Variants in RYR2 observed in about 807,000 individuals in gnomAD.
The protein encoded by RYR2 is ryanodine receptor 2.
RYR2 carries 227 observed loss-of-function variants against 601.1 expected under a neutral mutation model. The ratio of observed to expected loss-of-function variants is 0.38; its 90% CI spans 0.34 to 0.42. The LOEUF (loss-of-function observed/expected upper bound fraction) is 0.42. Ranked by LOEUF, RYR2 falls within the 10% of genes least tolerant of loss-of-function variation. The pLI is 1.00. For synonymous variants in RYR2, 2,223 were observed against 2,175.1 expected, an observed-to-expected ratio of 1.02 and a Z score of -0.61; for missense variants, 4,646 against 6,156.5, an observed-to-expected ratio of 0.75 and a Z score of 8.21.
At chr1:237,150,370 T>A (rs901446458) in intron 1 of RYR2, among the ~76,000 whole-genome samples, 1 of 152,204 alleles carries the variant, frequency 6.6e-6, no homozygotes, top group African/African-American at 2.4e-5. Flanking sequence ...TCTATCAATA[T>A]CATTGATGGG....
chr1:237,204,185 T>C (rs1572191229), intron 1 of RYR2, among the ~76,000 whole-genome samples: 1 of 151,894 alleles, frequency 6.6e-6, no homozygotes. Context: ...TAATTTTGTA[T>C]TTTTTGTAGA....
chr1:237,727,496 C>A (rs912428847), intron 76 of RYR2, among the ~76,000 whole-genome samples: 1 of 152,092 alleles, frequency 6.6e-6, no homozygotes, highest in African/African-American at 2.4e-5. Flanking sequence ...TGATCTGAAT[C>A]ATTCTTTGGC....
At chr1:237,308,464 C>A (rs904755708) in intron 2 of RYR2, among the ~76,000 whole-genome samples, 4 of 152,166 alleles carry the variant, frequency 2.6e-5, no homozygotes, top group African/African-American at 9.7e-5. Flanking sequence ...ATCTAAGAAT[C>A]CTCCCTTGGA....
chr1:237,713,987 T>TA (rs1437795023), intron 71 of RYR2, among the ~76,000 whole-genome samples: 2 of 151,814 alleles, frequency 1.3e-5, no homozygotes, highest in Non-Finnish European at 2.9e-5. Flanking sequence ...TATTAGAAAA[T>TA]TTTTTGTAAG....
intron 1 of RYR2, among the ~76,000 whole-genome samples, chr1:237,228,240 C>T (rs1439013833): frequency 1.3e-5 from 2 of 152,132 alleles, no homozygotes; most frequent in Non-Finnish European, 2.9e-5. Context: ...CTTTTTTATT[C>T]CTGAGTTACT....
intron 3 of RYR2, among the ~76,000 whole-genome samples, chr1:237,348,858 C>T (rs1698520460): frequency 6.6e-6 from 1 of 152,024 alleles, no homozygotes. Flanking sequence ...CACTGAAAAC[C>T]ACAGTAAGTA....
At chr1:237,689,945 A>T (rs1686790374) in intron 63 of RYR2, among the ~76,000 whole-genome samples, 1 of 151,904 alleles carries the variant, frequency 6.6e-6, no homozygotes, top group African/African-American at 2.4e-5. Flanking sequence ...CCCAGGTTCA[A>T]GCAATTTTCC....
chr1:237,680,840 T>G (rs770410119), intron 62 of RYR2, among the ~76,000 whole-genome samples: 1 of 152,238 alleles, frequency 6.6e-6, no homozygotes, highest in Non-Finnish European at 1.5e-5. Context: ...AATCTACACA[T>G]AGAGGCCGGA....
At position 237,832,727 on chromosome 1, in the gene RYR2, AT is replaced by A. The variant is rs764277833; in HGVS notation, c.*84del. The A allele has an allele frequency of 1.2e-5, 9 of 756,836 alleles. No homozygotes were observed. The highest frequency in any genetic ancestry group is 1.9e-5 in the Non-Finnish European group (9 of 466,084). The allele number at this position is 756,836 out of a possible 1,614,324, so 46.9% of individuals were successfully genotyped here. On this transcript the variant is annotated 3_prime_UTR_variant, in exon 105 of 105. Transcript: ENST00000366574. ...TCAATTTCTCTGCTCTCTTGGAAACATTTTGCTGATTTTGTGAATTGCCAGC... is the reference window on the plus strand; with the variant it reads ...TCAATTTCTCTGCTCTCTTGGAAACATTTGCTGATTTTGTGAATTGCCAGC...
rs150977296 is a variant in RYR2, at chr1:237,503,776, C to T, written c.2613+271C>T. Among the ~76,000 whole-genome samples, 1,515 of 152,138 alleles carry T rather than the reference C, an allele frequency of 1.0e-2. 28 individuals are homozygous for T. Among genetic ancestry groups the T allele is most frequent in the African/African-American group, 0.032 (1,343 of 41,494 alleles). ...AGGCTGGAGTGCAGTGGTGCAATCT[C>T]GGCTCGCTGCAACCTCTGCCTCCTG... On this transcript the variant is annotated intron_variant, in intron 22 of 104. Transcript: ENST00000366574.
chr1:237,692,494 C>T (rs538099808), intron 63 of RYR2, among the ~76,000 whole-genome samples: 1 of 152,294 alleles, frequency 6.6e-6, no homozygotes, highest in African/African-American at 2.4e-5. Context: ...CGTTTCTTAA[C>T]CTAGCCACAT....
intron 17 of RYR2, among the ~76,000 whole-genome samples, chr1:237,472,719 T>G (rs1405006977): frequency 2.0e-5 from 3 of 150,338 alleles, no homozygotes; most frequent in Non-Finnish European, 4.4e-5. Flanking sequence ...TAGAAAGAAA[T>G]AAATGAAAAG....
Position 237,411,252 on chromosome 1 carries a change from A to G in RYR2, c.774-5797A>G, listed in dbSNP as rs140363436. On this transcript the variant is annotated intron_variant, in intron 10 of 104. Transcript: ENST00000366574. ...TTAAGATACACTGTATTCCTGACCC[A>G]TAGAAACAGTATAAAATAATGTGTT... Among the ~76,000 whole-genome samples the G allele has an allele frequency of 1.5e-3, 221 of 152,280 alleles. 3 individuals carry two copies. The highest frequency in any genetic ancestry group is 5.0e-3 in the African/African-American group (208 of 41,570).
Position 237,397,190 on chromosome 1 carries a change from G to A in RYR2, c.773+9007G>A, listed in dbSNP as rs541341474. Among the ~76,000 whole-genome samples the A allele has an allele frequency of 5.9e-5, 9 of 151,526 alleles. No individual in the cohort carries two copies. The South Asian group carries it at 8.4e-4, about 14-fold the overall frequency. ...GAGGTGGAGATTGCAGTGAGCTGAG[G>A]TCATGCCACTGCACTCTGGCCTGCC... is the stretch of plus-strand genomic sequence containing the variant. On this transcript the variant is annotated intron_variant, in intron 10 of 104. Coordinates refer to ENST00000366574, the MANE Select transcript of RYR2 (RefSeq NM_001035.3).
At chr1:237,057,240 C>T (rs1013156064) in intron 1 of RYR2, among the ~76,000 whole-genome samples, 2 of 151,988 alleles carry the variant, frequency 1.3e-5, no homozygotes, top group African/African-American at 4.8e-5. Flanking sequence ...GGCTGGAGTG[C>T]AGTGGTGTGA....
chr1:237,621,842 G>A (rs1195626167), intron 38 of RYR2, among the ~76,000 whole-genome samples: 2 of 152,156 alleles, frequency 1.3e-5, no homozygotes. Flanking sequence ...AAACCATAGA[G>A]ATGGAAAACA....
At chr1:237,757,800 T>TA (rs1425836119) in intron 82 of RYR2, 24 bp downstream of exon 82, 8 of 1,438,430 alleles carry the variant, frequency 5.6e-6, no homozygotes, top group Non-Finnish European at 7.8e-6. Flanking sequence ...GTCATTCATA[T>TA]AATGTACTTT....
intron 86 of RYR2, 112 bp downstream of exon 86, chr1:237,772,212 TTATCTC>T: frequency 3.5e-6 from 2 of 573,348 alleles, no homozygotes; most frequent in South Asian, 5.0e-5. Context: ...TTGAGATAGT[TTATCTC>T]TGATCACAAT....
At position 237,633,572 on chromosome 1, in the gene RYR2, C is replaced by A; in HGVS notation, c.6556-6C>A. The A allele has an allele frequency of 6.2e-7, 1 of 1,613,870 alleles. No individual in the cohort carries two copies. Among genetic ancestry groups the A allele is most frequent in the Non-Finnish European group, 8.5e-7 (1 of 1,179,820 alleles). ...TTCAGCAGCTAATGACATGCTTTATCTGTAGGAAATCACCTTTCCCAAGAT... is the reference window on the plus strand; with the variant it reads ...TTCAGCAGCTAATGACATGCTTTATATGTAGGAAATCACCTTTCCCAAGAT... On this transcript the variant is annotated splice_region_variant and splice_polypyrimidine_tract_variant and intron_variant, in intron 42 of 104. Coordinates refer to ENST00000366574, the MANE Select transcript of RYR2 (RefSeq NM_001035.3).
Sources: allele counts gnomAD v4.1 joint callset (sites outside exome capture counted in the v4.1 genomes callset), GRCh38; gene constraint gnomAD v4.1.1; transcripts MANE v1.5; gene names NCBI Gene and HGNC (gene_info 2026-07-23, HGNC 2026-07-21).